BAD: variants seen among roughly 807,000 people sequenced by gnomAD.
BAD encodes the protein BCL2 associated agonist of cell death, also known as bcl2-associated agonist of cell death.
Under a neutral mutation model 17.8 loss-of-function variants are expected in BAD, and 18 were observed. The ratio of observed to expected loss-of-function variants is 1.01; its 90% CI spans 0.70 to 1.50. BAD has a LOEUF of 1.50. Among genes scored for constraint, BAD ranks in the 40% most tolerant of loss-of-function variants. BAD has a pLI of 0.00. For synonymous variants in BAD, 112 were observed against 91.5 expected (o/e 1.22, Z -1.28); for missense variants, 294 against 239.3 (o/e 1.23, Z -1.51).
intron 2 of BAD, among the ~76,000 whole-genome samples, chr11:64,280,046 G>A (rs760822480): frequency 5.2e-4 from 78 of 151,442 alleles, no homozygotes; most frequent in Admixed American, 9.2e-4. Flanking sequence ...GGCCAGGCGC[G>A]GTGGCTCACG....
chr11:64,280,913 C>CT (rs934469676), intron 2 of BAD, among the ~76,000 whole-genome samples: 5 of 151,662 alleles, frequency 3.3e-5, no homozygotes, highest in African/African-American at 1.2e-4. Context: ...AGTGATCTGC[C>CT]TGCCTCAGCC....
In BAD at chr11:64,270,185, G is replaced by A. The variant is rs1240101963; in HGVS notation, c.*24C>T. On this transcript the variant is annotated 3_prime_UTR_variant, in exon 4 of 4. Coordinates refer to ENST00000309032, the MANE Select transcript of BAD (RefSeq NM_032989.3). ...CTGCCCAGGGCAGTGGGAACGGGTG[G>A]AGTTTCGGGATGTGGAGCGAAGGTC... 2 of 1,614,004 alleles carry A rather than the reference G, an allele frequency of 1.2e-6. No homozygotes were observed. The highest frequency in any genetic ancestry group is 8.5e-7 in the Non-Finnish European group (1 of 1,179,956).
chr11:64,277,106 A>G (rs964312991), intron 2 of BAD: 22 of 660,976 alleles, frequency 3.3e-5, no homozygotes, highest in Non-Finnish European at 5.9e-5. Flanking sequence ...ACTGAATTGC[A>G]CACTTAATTA....
chr11:64,279,241 G>A (rs748339958), intron 2 of BAD, among the ~76,000 whole-genome samples: 20 of 152,120 alleles, frequency 1.3e-4, no homozygotes, highest in Non-Finnish European at 2.5e-4. Context: ...GACCCAACCT[G>A]TGTGGATCAT....
At chr11:64,277,095 CA>C in intron 2 of BAD, 1 of 670,606 alleles carries the variant, frequency 1.5e-6, no homozygotes, top group Non-Finnish European at 2.8e-6. Context: ...GACACTTGCA[CA>C]CTGAATTGCA....
chr11:64,277,250 A>G (rs1365930118), intron 2 of BAD, among the ~76,000 whole-genome samples: 1 of 152,146 alleles, frequency 6.6e-6, no homozygotes, highest in Non-Finnish European at 1.5e-5. Flanking sequence ...AGTGGCCAGC[A>G]CAGTGGCCAG....
intron 2 of BAD, among the ~76,000 whole-genome samples, chr11:64,274,088 C>T (rs1193762703): frequency 6.6e-6 from 1 of 152,148 alleles, no homozygotes; most frequent in Non-Finnish European, 1.5e-5. Flanking sequence ...AAATGAGACA[C>T]ATGACTAAGA....
intron 3 of BAD, 57 bp from the exon 4 acceptor site, chr11:64,270,394 G>A (rs1318735682): frequency 2.3e-5 from 34 of 1,496,566 alleles, no homozygotes; most frequent in Non-Finnish European, 3.0e-5. Flanking sequence ...CTCGAGCCAG[G>A]CTCTCCACTT....
chr11:64,271,729 C>T lies in BAD; in HGVS notation c.262G>A (p.Glu88Lys). ...CGGCCCCGAAAGGGGCTGGGCTCCT[C>T]CCCCATCCCTTCGTCGTCCTCCGTC... The part of the protein sequence containing the change: ...AGTEDDEGMG[E>K]EPSPFRGRSR... Residue 88 changes from glutamate (E) to lysine (K), a missense_variant, in exon 3 of 4, where the codon GAG becomes AAG. By Grantham distance (56) the Glu-to-Lys change is moderately conservative (BLOSUM62 1). Transcript: ENST00000309032. The T allele has an allele frequency of 6.9e-7, 1 of 1,448,140 alleles. No homozygotes were observed. The highest frequency in any genetic ancestry group is 1.4e-5 in the South Asian group (1 of 69,370). 89.7% of individuals were successfully genotyped at this position (1,448,140 alleles called of 1,614,324 possible). A position where few individuals can be genotyped will look rare whatever the true frequency, so the allele number is the denominator to read the frequency against.
In BAD at chr11:64,271,721, G is replaced by A. The variant is rs2032629141; in HGVS notation, c.270C>T (p.Pro90=). ...AGCGCGAGCGGCCCCGAAAGGGGCT[G>A]GGCTCCTCCCCCATCCCTTCGTCGT... ...TEDDEGMGEE[P]SPFRGRSRSA... The change falls in exon 3 of 4, where the codon CCC becomes CCT. Residue 90 remains proline (P), a synonymous_variant. Transcript: ENST00000309032. The A allele has an allele frequency of 2.1e-6, 3 of 1,461,350 alleles. No individual in the cohort carries two copies. The highest frequency in any genetic ancestry group is 1.5e-5 in the African/African-American group (1 of 68,608). The allele number at this position is 1,461,350 out of a possible 1,614,324, so 90.5% of individuals were successfully genotyped here. A position where few individuals can be genotyped will look rare whatever the true frequency, so the allele number is the denominator to read the frequency against.
chr11:64,282,894 A>AG (rs1160715193), intron 2 of BAD, among the ~76,000 whole-genome samples: 1 of 151,184 alleles, frequency 6.6e-6, no homozygotes, highest in African/African-American at 2.4e-5. Flanking sequence ...AAAAAAAAAA[A>AG]AAAAAAGAAA....
rs768868726 is a variant in BAD, at chr11:64,284,415, G to T, written c.-8-39C>A. ...ATGTTACGTAGTCAAGGCACAGCTG[G>T]GGCCAACGGTGGCCCTGGAAGGCAG... On this transcript the variant is annotated intron_variant, in intron 1 of 3. Coordinates refer to ENST00000309032, the MANE Select transcript of BAD (RefSeq NM_032989.3). 3.7e-6 allele frequency: 6 copies of T among 1,609,586 alleles called. 1 individual carries two copies. In the South Asian group the frequency reaches 5.5e-5, roughly 15 times the overall value.
chr11:64,278,763 C>T (rs1460749139), intron 2 of BAD, among the ~76,000 whole-genome samples: 2 of 152,182 alleles, frequency 1.3e-5, no homozygotes, highest in Non-Finnish European at 2.9e-5. Flanking sequence ...CAGTCCCTGC[C>T]CTGGGGACAC....
At chr11:64,271,983 C>T in intron 2 of BAD, 180 bp from the exon 3 acceptor site, 1 of 435,456 alleles carries the variant, frequency 2.3e-6, no homozygotes. Flanking sequence ...GCTCAGGGGC[C>T]TTTGGTGAAG....
At chr11:64,276,561 A>G (rs1281739720) in intron 2 of BAD, 4 of 187,970 alleles carry the variant, frequency 2.1e-5, no homozygotes, top group Non-Finnish European at 3.3e-5. Context: ...TCCTGACCTC[A>G]GGCAATCCAA....
In BAD at chr11:64,284,259, T is replaced by A. The variant is rs1315803367; in HGVS notation, c.110A>T (p.His37Leu). Residue 37 changes from histidine to leucine, a missense_variant, in exon 2 of 4, where the codon CAT becomes CTT. Transcript: ENST00000309032. ...CAGGAGGCCTGGGGCCTGGCGATGA[T>A]GCTTGCCGGAGCCTGAGGGCCCGTC... The part of the protein sequence containing the change: ...AGDGPSGSGK[H>L]HRQAPGLLWD... 6.2e-7 allele frequency: 1 copy of A among 1,611,272 alleles called. No homozygotes were observed. The highest frequency in any genetic ancestry group is 1.7e-5 in the Admixed American group (1 of 59,954).
chr11:64,270,974 T>C (rs1285249332), intron 3 of BAD, among the ~76,000 whole-genome samples: 2 of 40,724 alleles, frequency 4.9e-5, no homozygotes, highest in Admixed American at 3.5e-4. Context: ...GCATGCCCTG[T>C]GACACACACA....
rs1565343009 is a variant in BAD at position 64,270,109 on chromosome 11, CCT to C, written c.*98_*99del. 4 of 1,570,066 alleles carry C rather than the reference CCT, an allele frequency of 2.5e-6. No homozygotes were observed. Among genetic ancestry groups the C allele is most frequent in the South Asian group, 1.1e-5 (1 of 88,078 alleles). ...TCCCTCCAAAGGAGACAGCACGGATCCTCTTTTTGCATAGGCCTGAGGGAAGT... is the reference window on the plus strand; with the variant it reads ...TCCCTCCAAAGGAGACAGCACGGATCCTTTTTGCATAGGCCTGAGGGAAGT... On this transcript the variant is annotated 3_prime_UTR_variant, in exon 4 of 4. Coordinates refer to ENST00000309032, the MANE Select transcript of BAD (RefSeq NM_032989.3).
At chr11:64,275,751 A>T (rs1422882990) in intron 2 of BAD, 2 of 152,022 alleles carry the variant, frequency 1.3e-5, no homozygotes, top group Non-Finnish European at 2.9e-5. Flanking sequence ...AAGGCCCCAC[A>T]GGTGGAAGGT....
Sources: gnomAD v4.1 joint callset for allele counts (sites outside exome capture counted in the v4.1 genomes callset) on GRCh38, gnomAD v4.1.1 for gene constraint, MANE v1.5 for transcripts, NCBI Gene and HGNC (gene_info 2026-07-23, HGNC 2026-07-21) for gene names.